The following FGF13 variants were observed in gnomAD, a reference collection of about 807,000 sequenced individuals.
FGF13 encodes the protein fibroblast growth factor 13.
FGF13 carries 2 observed loss-of-function variants against 19.5 expected under a neutral mutation model. The ratio of observed to expected loss-of-function variants is 0.10; its 90% CI spans 0.04 to 0.32. The LOEUF (loss-of-function observed/expected upper bound fraction) is 0.32. Ranked by LOEUF, FGF13 falls within the 10% of genes least tolerant of loss-of-function variation. FGF13 has a pLI of 1.00. For missense variants in FGF13, 113 were observed against 192.7 expected (o/e 0.59, Z 2.45); for synonymous variants, 72 against 76.9 (o/e 0.94, Z 0.33).
At chrX:138,907,538 TGTGG>T (rs2091564584) in intron 1 of FGF13, among the ~76,000 whole-genome samples, 1 of 111,442 alleles carries the variant, frequency 9.0e-6, no homozygotes, top group African/African-American at 3.3e-5. Context: ...AAGCATCCCA[TGTGG>T]CCTTTTCATT....
At chrX:138,855,962 C>CTGTGTGTGTGTGTGTGTGTGTGTG (rs35763167), downstream of FGF13, among the ~76,000 whole-genome samples, 22 of 101,332 alleles carry the variant, frequency 2.2e-4, no homozygotes, top group African/African-American at 6.9e-4. Flanking sequence ...AGTACAAAAA[C>CTGTGTGTGTGTGTGTGTGTGTGTG]TGTGTGTGTG....
At chrX:138,659,742 G>A (rs760964276) in intron 3 of FGF13, among the ~76,000 whole-genome samples, 13 of 111,957 alleles carry the variant, frequency 1.2e-4, no homozygotes, top group East Asian at 2.8e-4. Flanking sequence ...AAAAGAATGC[G>A]TTCATGTCCT....
chrX:138,837,394 G>A (rs766565930), intron 3 of FGF13, among the ~76,000 whole-genome samples: 3 of 111,638 alleles, frequency 2.7e-5, no homozygotes, highest in South Asian at 3.8e-4. Context: ...CCCCAGGTGC[G>A]AGGCTCCACC....
chrX:139,123,857 G>C (rs1181842515), intron 1 of FGF13, among the ~76,000 whole-genome samples: 1 of 112,415 alleles, frequency 8.9e-6, no homozygotes. Flanking sequence ...AAAATTAGGA[G>C]GGCCTTGAAT....
intron 1 of FGF13, among the ~76,000 whole-genome samples, chrX:139,185,140 G>A (rs1005130411): frequency 8.9e-6 from 1 of 112,159 alleles, no homozygotes; most frequent in Non-Finnish European, 1.9e-5. Flanking sequence ...TGAGTACATA[G>A]TAATACTTGC....
intron 1 of FGF13, among the ~76,000 whole-genome samples, chrX:139,028,544 T>A (rs2092209485): frequency 9.1e-6 from 1 of 109,366 alleles, no homozygotes; most frequent in African/African-American, 3.3e-5. Flanking sequence ...AGGTCCACCA[T>A]ATGTTTCAGT....
chrX:138,838,114 A>C (rs1197126875), intron 3 of FGF13, among the ~76,000 whole-genome samples: 1 of 111,812 alleles, frequency 8.9e-6, no homozygotes, highest in Non-Finnish European at 1.9e-5. Context: ...CCCTTCCCCC[A>C]GAAAGCTTTG....
At chrX:138,771,068 T>C (rs2090542102) in intron 3 of FGF13, among the ~76,000 whole-genome samples, 1 of 111,727 alleles carries the variant, frequency 9.0e-6, no homozygotes, top group South Asian at 3.8e-4. Flanking sequence ...ATTACACCGA[T>C]GGACCTCCAC....
rs138828940 is a variant in FGF13, at chrX:139,040,944, C to T, written c.-113+162472G>A. ...GTTGCAAGCCATTATCCTCAGAAAA[C>T]CAATGCAGGAACAGAAAACCAAACA... is the stretch of plus-strand genomic sequence containing the variant. On this transcript the variant is annotated intron_variant, in intron 1 of 2. Coordinates refer to the FGF13 transcript ENST00000421460. Among the ~76,000 whole-genome samples, 27 of 108,768 alleles carry T rather than the reference C, an allele frequency of 2.5e-4. 1 individual carries two copies. The highest frequency in any genetic ancestry group is 7.1e-4 in the African/African-American group (21 of 29,615). The allele number at this position is 108,768 out of a possible 115,157, so 94.5% of individuals were successfully genotyped here. A position where few individuals can be genotyped will look rare whatever the true frequency, so the allele number is the denominator to read the frequency against.
At chrX:138,824,068 C>A (rs959222375) in intron 3 of FGF13, among the ~76,000 whole-genome samples, 6 of 111,995 alleles carry the variant, frequency 5.4e-5, no homozygotes, top group Admixed American at 3.8e-4. Flanking sequence ...AGAGGGAAGA[C>A]TGATTGAGAT....
chrX:138,641,371 A>C (rs1314687231), intron 3 of FGF13, among the ~76,000 whole-genome samples: 2 of 111,483 alleles, frequency 1.8e-5, no homozygotes, highest in Non-Finnish European at 3.8e-5. Context: ...TAGCCTGATC[A>C]TTCCAATTAA....
At chrX:139,164,996 A>C (rs2084069686) in intron 1 of FGF13, among the ~76,000 whole-genome samples, 1 of 111,843 alleles carries the variant, frequency 8.9e-6, no homozygotes, top group South Asian at 3.7e-4. Flanking sequence ...GGCTCAGAAG[A>C]AAAGAAGACT....
intron 3 of FGF13, among the ~76,000 whole-genome samples, chrX:138,816,810 G>A (rs917856386): frequency 1.9e-4 from 21 of 111,475 alleles, no homozygotes; most frequent in African/African-American, 5.6e-4. Flanking sequence ...GGTATTTTAA[G>A]TGTGGCTCAA....
At chrX:138,914,918 T>G (rs762445776) in intron 1 of FGF13, among the ~76,000 whole-genome samples, 1 of 111,444 alleles carries the variant, frequency 9.0e-6, no homozygotes, top group Admixed American at 9.5e-5. Context: ...CCTGTGCACA[T>G]GGACAATTCT....
intron 1 of FGF13, among the ~76,000 whole-genome samples, chrX:138,724,641 A>T (rs1255163576): frequency 8.9e-6 from 1 of 112,189 alleles, no homozygotes; most frequent in Non-Finnish European, 1.9e-5. Flanking sequence ...AATTGCTGGA[A>T]TAGTCAGTGG....
At chrX:139,114,652 C>G (rs1236194933) in intron 1 of FGF13, among the ~76,000 whole-genome samples, 1 of 111,904 alleles carries the variant, frequency 8.9e-6, no homozygotes, top group African/African-American at 3.2e-5. Flanking sequence ...TCAATAAGGA[C>G]ATCAGTGAAG....
intron 3 of FGF13, among the ~76,000 whole-genome samples, chrX:138,850,142 G>T: frequency 9.0e-6 from 1 of 111,469 alleles, no homozygotes; most frequent in Non-Finnish European, 1.9e-5. Context: ...AAGAACGAAC[G>T]GTTATTAGTT....
At chrX:138,844,798 T>G (rs2091171144) in intron 3 of FGF13, among the ~76,000 whole-genome samples, 1 of 111,239 alleles carries the variant, frequency 9.0e-6, no homozygotes, top group African/African-American at 3.3e-5. Context: ...TTTCATGGTT[T>G]TAATACTGGC....
At chrX:138,790,657 A>G (rs1175998325) in intron 3 of FGF13, among the ~76,000 whole-genome samples, 1 of 111,781 alleles carries the variant, frequency 8.9e-6, no homozygotes, top group Non-Finnish European at 1.9e-5. Flanking sequence ...GCCTTTAGTA[A>G]AATGTCTGCC....
Sources: gnomAD v4.1 joint callset for allele counts (sites outside exome capture counted in the v4.1 genomes callset) on GRCh38, gnomAD v4.1.1 for gene constraint, MANE v1.5 for transcripts, NCBI Gene and HGNC (gene_info 2026-07-23, HGNC 2026-07-21) for gene names.